RGS7: variants seen among roughly 807,000 people sequenced by gnomAD.
RGS7 encodes regulator of G protein signaling 7, also known as regulator of G-protein signaling 7.
In RGS7, 27 loss-of-function variants were observed where a neutral mutation model predicts 81.1. The observed-to-expected ratio is 0.33, with a 90% CI of 0.25 to 0.46. The LOEUF (loss-of-function observed/expected upper bound fraction) is 0.46, where lower values mean the gene tolerates loss of function less well. RGS7 is among the 20% of genes least tolerant of loss of function. The pLI is 1.00. For synonymous variants in RGS7, 208 were observed against 207.7 expected (o/e 1.00, Z -0.01); for missense variants, 396 against 607.4 (o/e 0.65, Z 3.66).
chr1:240,940,570 G>A (rs572947979), intron 4 of RGS7, among the ~76,000 whole-genome samples: 97 of 152,230 alleles, frequency 6.4e-4, no homozygotes, highest in Middle Eastern at 3.4e-3. Context: ...ACACTTTCCC[G>A]GAAGAAAAAT....
intron 3 of RGS7, among the ~76,000 whole-genome samples, chr1:241,011,315 G>T (rs2058943945): frequency 6.6e-6 from 1 of 152,168 alleles, no homozygotes; most frequent in African/African-American, 2.4e-5. Context: ...CTTCCTGGCA[G>T]CAGGGGAGGA....
chr1:241,355,954 G>A lies in RGS7; in HGVS notation c.-50-128C>T, dbSNP rs751283948. ...GGGGCTGGCTGGAGAAAGTGACACAGGACATGGATTTTTTAAAAAGTGAGT... is the reference window on the plus strand; with the variant it reads ...GGGGCTGGCTGGAGAAAGTGACACAAGACATGGATTTTTTAAAAAGTGAGT... On this transcript the variant is annotated intron_variant, in intron 1 of 18. Transcript: ENST00000440928. 11 of 643,594 alleles carry A rather than the reference G, an allele frequency of 1.7e-5. No individual in the cohort carries two copies. The South Asian group carries it at 1.9e-4, about 11-fold the overall frequency. The allele number at this position is 643,594 out of a possible 1,614,324, so 39.9% of individuals were successfully genotyped here.
At chr1:240,963,586 T>C (rs1681811109) in intron 4 of RGS7, among the ~76,000 whole-genome samples, 1 of 152,140 alleles carries the variant, frequency 6.6e-6, no homozygotes, top group Non-Finnish European at 1.5e-5. Flanking sequence ...TCATTGAATT[T>C]TGCAACAAGA....
At chr1:240,845,533 T>A (rs1327720798) in intron 9 of RGS7, among the ~76,000 whole-genome samples, 2 of 152,154 alleles carry the variant, frequency 1.3e-5, no homozygotes, top group African/African-American at 4.8e-5. Context: ...AATGCTAGGT[T>A]TTCAGTCATC....
At chr1:240,808,756 T>C (rs1399405472) in intron 14 of RGS7, among the ~76,000 whole-genome samples, 1 of 152,092 alleles carries the variant, frequency 6.6e-6, no homozygotes, top group Admixed American at 6.6e-5. Context: ...GCACCTGTGG[T>C]CCTAGCTACT....
chr1:240,849,489 C>T (rs1436074508), intron 9 of RGS7, among the ~76,000 whole-genome samples: 1 of 152,166 alleles, frequency 6.6e-6, no homozygotes, highest in Non-Finnish European at 1.5e-5. Flanking sequence ...TTAATGCCAA[C>T]TGATATGGTT....
rs1330367101 is a variant in RGS7, at chr1:241,355,753, C to T, written c.24G>A (p.Gly8=). Residue 8 remains glycine (G), a synonymous_variant, in exon 2 of 19, where the codon GGG becomes GGA. Coordinates refer to ENST00000440928, the MANE Select transcript of RGS7 (RefSeq NM_001364886.1). Reference sequence around the variant, plus strand: ...CATCGGCCACCCCGTTGCTGGTCTGCCCATAATTATTCCCCTGGGCCATGT... The same window carrying T: ...CATCGGCCACCCCGTTGCTGGTCTGTCCATAATTATTCCCCTGGGCCATGT... The part of the protein sequence containing the change: MAQGNNY[G]QTSNGVADES... 4.3e-6 allele frequency: 7 copies of T among 1,614,122 alleles called. No individual in the cohort carries two copies. Among genetic ancestry groups the T allele is most frequent in the Non-Finnish European group, 5.1e-6 (6 of 1,179,984 alleles).
At chr1:241,208,009 G>A (rs886872600) in intron 2 of RGS7, among the ~76,000 whole-genome samples, 4 of 152,018 alleles carry the variant, frequency 2.6e-5, no homozygotes, top group Admixed American at 1.3e-4. Context: ...AGGTTCAAGC[G>A]ATTCTCCTTC....
At chr1:241,210,352 G>C (rs573559324) in intron 2 of RGS7, among the ~76,000 whole-genome samples, 2 of 152,258 alleles carry the variant, frequency 1.3e-5, no homozygotes, top group Non-Finnish European at 2.9e-5. Flanking sequence ...GTTTCACCAA[G>C]TTGGCCAGGC....
chr1:241,306,913 G>A (rs577550761), intron 2 of RGS7, among the ~76,000 whole-genome samples: 9 of 152,304 alleles, frequency 5.9e-5, no homozygotes, highest in East Asian at 1.9e-4. Context: ...TGTGAATGGC[G>A]TCCCAGTATT....
chr1:240,818,093 C>A (rs1328136296), intron 10 of RGS7, among the ~76,000 whole-genome samples: 1 of 151,840 alleles, frequency 6.6e-6, no homozygotes, highest in Non-Finnish European at 1.5e-5. Flanking sequence ...TTTTATAATG[C>A]CAAACAAGAG....
At chr1:241,285,162 G>A (rs778865453) in intron 2 of RGS7, among the ~76,000 whole-genome samples, 27 of 152,152 alleles carry the variant, frequency 1.8e-4, no homozygotes, top group African/African-American at 2.4e-4. Context: ...GAGCCACCGC[G>A]CCCGGCCAAG....
chr1:241,038,766 G>T (rs1296343882), intron 3 of RGS7, among the ~76,000 whole-genome samples: 1 of 152,070 alleles, frequency 6.6e-6, no homozygotes, highest in Non-Finnish European at 1.5e-5. Flanking sequence ...CAAGGTGGGA[G>T]GACTGCTTAA....
chr1:241,307,085 A>T (rs2080220711), intron 2 of RGS7, among the ~76,000 whole-genome samples: 1 of 152,182 alleles, frequency 6.6e-6, no homozygotes, highest in Non-Finnish European at 1.5e-5. Flanking sequence ...TGTATTTCCC[A>T]TGGTTTAGAT....
intron 6 of RGS7, among the ~76,000 whole-genome samples, chr1:240,928,799 T>A (rs1674919349): frequency 6.6e-6 from 1 of 151,734 alleles, no homozygotes; most frequent in Non-Finnish European, 1.5e-5. Context: ...TTAGTAGAGA[T>A]GGGGTTTCGT....
At chr1:241,227,289 G>T (rs974509647) in intron 2 of RGS7, among the ~76,000 whole-genome samples, 4 of 152,144 alleles carry the variant, frequency 2.6e-5, no homozygotes, top group South Asian at 2.1e-4. Flanking sequence ...AGGTTGTCCA[G>T]CTTGGAAGTG....
chr1:240,909,571 T>C (rs370346353), intron 6 of RGS7, among the ~76,000 whole-genome samples: 25 of 152,292 alleles, frequency 1.6e-4, no homozygotes, highest in Middle Eastern at 3.4e-3. Flanking sequence ...AATGCTAGCA[T>C]GGATGGAAAA....
At chr1:241,259,380 C>T (rs1231929155) in intron 2 of RGS7, among the ~76,000 whole-genome samples, 2 of 151,774 alleles carry the variant, frequency 1.3e-5, no homozygotes, top group African/African-American at 4.8e-5. Context: ...ACTGGCCAGG[C>T]GCAGTGGCTC....
intron 2 of RGS7, chr1:241,305,894 G>T (rs1369953063): frequency 4.6e-6 from 1 of 218,964 alleles, no homozygotes; most frequent in Non-Finnish European, 9.3e-6. Context: ...GACCATGGCT[G>T]TTGCTCTCCG....
Sources: allele counts gnomAD v4.1 joint callset (sites outside exome capture counted in the v4.1 genomes callset), GRCh38; gene constraint gnomAD v4.1.1; transcripts MANE v1.5; gene names NCBI Gene and HGNC (gene_info 2026-07-23, HGNC 2026-07-21).